Variants in PCDH15 observed in about 807,000 individuals in gnomAD.
PCDH15 encodes protocadherin related 15, also known as protocadherin-15.
A neutral mutation model predicts 178.5 loss-of-function variants in PCDH15; 129 were observed. The observed-to-expected ratio is 0.72, with a 90% CI of 0.63 to 0.84. The LOEUF (loss-of-function observed/expected upper bound fraction) is 0.84. Ranked by LOEUF, PCDH15 falls within the 40% of genes least tolerant of loss-of-function variation. PCDH15 has a pLI of 0.00. For synonymous variants in PCDH15, 800 were observed against 732.0 expected (o/e 1.09, Z -1.50); for missense variants, 2,230 against 2,099.9 (o/e 1.06, Z -1.21).
At chr10:55,457,632 C>T (rs542380222) in intron 2 of PCDH15, among the ~76,000 whole-genome samples, 2 of 152,064 alleles carry the variant, frequency 1.3e-5, no homozygotes, top group Admixed American at 6.6e-5. Context: ...GTTTCCAAAA[C>T]TAAAGCTAGG....
chr10:55,538,970 T>C (rs1007197152), intron 2 of PCDH15, among the ~76,000 whole-genome samples: 2 of 5,578 alleles, frequency 3.6e-4, no homozygotes, highest in Non-Finnish European at 5.2e-4. Context: ...CTTCCTTCCT[T>C]CCTCCTTTCC....
At chr10:53,861,263 T>C (rs1218337304) in intron 27 of PCDH15, among the ~76,000 whole-genome samples, 1 of 152,192 alleles carries the variant, frequency 6.6e-6, no homozygotes, top group East Asian at 1.9e-4. Flanking sequence ...AAATATTTAA[T>C]AATTCTCTGT....
chr10:55,108,415 G>A (rs909408310), intron 2 of PCDH15, among the ~76,000 whole-genome samples: 1 of 152,090 alleles, frequency 6.6e-6, no homozygotes, highest in Non-Finnish European at 1.5e-5. Flanking sequence ...GTAGGAAGTA[G>A]AAAATAGACT....
chr10:55,256,989 G>C (rs1236912126), intron 1 of PCDH15, among the ~76,000 whole-genome samples: 1 of 152,178 alleles, frequency 6.6e-6, no homozygotes, highest in Non-Finnish European at 1.5e-5. Context: ...GGGGCAGACT[G>C]ACACCTCACA....
At chr10:54,976,654 A>T (rs1296013185) in intron 2 of PCDH15, among the ~76,000 whole-genome samples, 1 of 152,220 alleles carries the variant, frequency 6.6e-6, no homozygotes, top group Non-Finnish European at 1.5e-5. Flanking sequence ...GGTCTCATCT[A>T]TAGGAGCAAC....
chr10:54,858,430 CCT>C (rs1450161163), intron 3 of PCDH15, among the ~76,000 whole-genome samples: 1 of 152,056 alleles, frequency 6.6e-6, no homozygotes, highest in Non-Finnish European at 1.5e-5. Flanking sequence ...ATTATCTGTC[CCT>C]TCATATAGTG....
intron 2 of PCDH15, among the ~76,000 whole-genome samples, chr10:55,489,430 A>G (rs1173403350): frequency 6.6e-6 from 1 of 151,640 alleles, no homozygotes; most frequent in Non-Finnish European, 1.5e-5. Flanking sequence ...TTTTATATTC[A>G]CTTTTTCAGA....
chr10:54,812,850 C>A (rs1051689477), intron 3 of PCDH15, among the ~76,000 whole-genome samples: 2 of 152,160 alleles, frequency 1.3e-5, no homozygotes, highest in African/African-American at 4.8e-5. Context: ...CCACCCATCT[C>A]AGCCTCCCAA....
Position 54,141,523 on chromosome 10 carries a change from T to C in PCDH15, c.1785-8516A>G, listed in dbSNP as rs565725122. The stretch of plus-strand genomic sequence containing the variant: ...TTCAGTTGGTTCAGATCCTTTCCTT[T>C]AGTGAAGAAAAACTGTGATATGGGT... On this transcript the variant is annotated intron_variant, in intron 14 of 37. Transcript: ENST00000644397. Among the ~76,000 whole-genome samples, 7 of 152,318 alleles carry C rather than the reference T, an allele frequency of 4.6e-5. No homozygotes were observed. The East Asian group carries it at 1.2e-3, about 25-fold the overall frequency.
At chr10:55,076,377 TG>T (rs1414287810) in intron 2 of PCDH15, among the ~76,000 whole-genome samples, 1 of 152,026 alleles carries the variant, frequency 6.6e-6, no homozygotes, top group East Asian at 1.9e-4. Flanking sequence ...TCTATAAATC[TG>T]GGTTCTCCAA....
chr10:54,653,559 C>T (rs563433386), intron 2 of PCDH15, among the ~76,000 whole-genome samples: 4 of 152,228 alleles, frequency 2.6e-5, no homozygotes, highest in South Asian at 2.1e-4. Flanking sequence ...CTATTGTATA[C>T]TTTTAGAAAA....
intron 1 of PCDH15, among the ~76,000 whole-genome samples, chr10:54,779,475 CACACATATATATGTATATATAT>C (rs1950095167): frequency 4.4e-5 from 2 of 45,250 alleles, no homozygotes; most frequent in Non-Finnish European, 1.0e-4. Flanking sequence ...TATATATATA[CACACATATATATGTATATATAT>C]ACACACATAT....
chr10:54,551,452 G>A (rs2086603471), intron 2 of PCDH15, among the ~76,000 whole-genome samples: 1 of 152,016 alleles, frequency 6.6e-6, no homozygotes, highest in Admixed American at 6.6e-5. Context: ...ACAGAATGAA[G>A]CTCATTAAAA....
intron 2 of PCDH15, among the ~76,000 whole-genome samples, chr10:54,598,000 C>A (rs1007256677): frequency 3.9e-5 from 6 of 151,988 alleles, no homozygotes; most frequent in Admixed American, 6.6e-5. Flanking sequence ...AAACAGCCTG[C>A]AAACCAAAAA....
At chr10:53,820,787 C>T (rs2076232248) in intron 32 of PCDH15, among the ~76,000 whole-genome samples, 1 of 151,896 alleles carries the variant, frequency 6.6e-6, no homozygotes, top group African/African-American at 2.4e-5. Context: ...TCGAATTTAA[C>T]AATTGGAGCG....
intron 2 of PCDH15, among the ~76,000 whole-genome samples, chr10:54,591,971 C>A (rs987759384): frequency 1.3e-5 from 2 of 152,144 alleles, no homozygotes; most frequent in East Asian, 1.9e-4. Flanking sequence ...TTTACAATGA[C>A]AATGCTCCAT....
chr10:54,533,975 A>T (rs1368354993), intron 2 of PCDH15, among the ~76,000 whole-genome samples: 1 of 152,126 alleles, frequency 6.6e-6, no homozygotes, highest in Non-Finnish European at 1.5e-5. Context: ...ATATTGGACA[A>T]ATTATTTAAC....
intron 18 of PCDH15, among the ~76,000 whole-genome samples, chr10:54,054,223 A>G (rs1234660044): frequency 6.6e-6 from 1 of 152,148 alleles, no homozygotes; most frequent in African/African-American, 2.4e-5. Context: ...AAGCATCTCA[A>G]TGTAAGTAAA....
chr10:55,035,995 C>T (rs905984539), intron 2 of PCDH15, among the ~76,000 whole-genome samples: 4 of 151,956 alleles, frequency 2.6e-5, no homozygotes, highest in Non-Finnish European at 4.4e-5. Flanking sequence ...TTGAATGTGT[C>T]CCCCCAAAGG....
Sources: gnomAD v4.1 joint callset for allele counts (sites outside exome capture counted in the v4.1 genomes callset) on GRCh38, gnomAD v4.1.1 for gene constraint, MANE v1.5 for transcripts, NCBI Gene and HGNC (gene_info 2026-07-23, HGNC 2026-07-21) for gene names.